The following CDH3 variants were observed in gnomAD, a reference collection of about 807,000 sequenced individuals.
The protein encoded by CDH3 is cadherin 3, also known as cadherin-3.
CDH3 carries 54 observed loss-of-function variants against 82.0 expected under a neutral mutation model. The observed-to-expected ratio is 0.66, with a 90% CI of 0.53 to 0.83. CDH3 has a LOEUF of 0.83. CDH3 is among the 40% of genes least tolerant of loss of function. The probability of loss-of-function intolerance (pLI) is 0.00; values close to 1 mark genes in which losing one functional copy is unlikely to be tolerated. For synonymous variants in CDH3, 446 were observed against 437.9 expected, an observed-to-expected ratio of 1.02 and a Z score of -0.23; for missense variants, 1,054 against 1,084.6, an observed-to-expected ratio of 0.97 and a Z score of 0.40.
Position 68,681,018 on chromosome 16 carries a change from C to T in CDH3, c.918C>T (p.Asp306=), listed in dbSNP as rs201521473. ...TCCAGGCCACAGACATGGATGGGGACGGCTCCACCACCACGGCAGTGGCAG... is the reference window on the plus strand; with the variant it reads ...TCCAGGCCACAGACATGGATGGGGATGGCTCCACCACCACGGCAGTGGCAG... ...LTIQATDMDG[D]GSTTTAVAVV... The change falls in exon 8 of 16, where the codon GAC becomes GAT. Residue 306 remains aspartate, a synonymous_variant. Transcript: ENST00000264012. 3.6e-4 allele frequency: 578 copies of T among 1,613,918 alleles called. 1 individual carries two copies. The highest frequency in any genetic ancestry group is 4.9e-4 in the Middle Eastern group (3 of 6,062).
chr16:68,708,431 A>T (rs988307029), intron 1 of CDH3, among the ~76,000 whole-genome samples: 1 of 151,438 alleles, frequency 6.6e-6, no homozygotes, highest in African/African-American at 2.4e-5. Flanking sequence ...GTTTCCTCAG[A>T]GCCTCTGCAC....
intron 2 of CDH3, among the ~76,000 whole-genome samples, chr16:68,656,126 T>C (rs1243119604): frequency 1.3e-5 from 2 of 152,092 alleles, no homozygotes; most frequent in Admixed American, 6.6e-5. Flanking sequence ...CAGTGAGGCA[T>C]AGGCAGGGTC....
At chr16:68,720,526 C>A (rs1439234536) in intron 1 of CDH3, among the ~76,000 whole-genome samples, 2 of 152,106 alleles carry the variant, frequency 1.3e-5, no homozygotes, top group Admixed American at 6.6e-5. Flanking sequence ...ATCTATTGAG[C>A]ACTGAGTCAC....
intron 2 of CDH3, among the ~76,000 whole-genome samples, chr16:68,726,825 T>G (rs1293091742): frequency 6.6e-6 from 1 of 152,132 alleles, no homozygotes; most frequent in Non-Finnish European, 1.5e-5. Flanking sequence ...GTGATCTGCC[T>G]GCCTTGGCCT....
chr16:68,708,401 TTCAC>T (rs1456882403), intron 1 of CDH3, among the ~76,000 whole-genome samples: 1 of 102,722 alleles, frequency 9.7e-6, no homozygotes, highest in Non-Finnish European at 2.4e-5. Flanking sequence ...ACGCTGAAGT[TTCAC>T]TCCAAATCAA....
intron 1 of CDH3, among the ~76,000 whole-genome samples, chr16:68,715,064 C>T (rs1333552691): frequency 2.0e-5 from 3 of 151,872 alleles, no homozygotes; most frequent in South Asian, 2.1e-4. Flanking sequence ...CTCCATTTTA[C>T]GGAGGGGCAA....
exon 3 of CDH3, among the ~76,000 whole-genome samples, chr16:68,727,169 T>C (rs1263023838): frequency 6.6e-6 from 1 of 152,198 alleles, no homozygotes; most frequent in Non-Finnish European, 1.5e-5. Flanking sequence ...GACACCTGCC[T>C]TCTGCCCTTA....
intron 1 of CDH3, among the ~76,000 whole-genome samples, chr16:68,714,263 C>T (rs1962066680): frequency 6.6e-6 from 1 of 152,098 alleles, no homozygotes; most frequent in African/African-American, 2.4e-5. Context: ...TCACTGAGCA[C>T]CTTTGCCTAA....
intron 1 of CDH3, among the ~76,000 whole-genome samples, chr16:68,715,052 A>G (rs934818789): frequency 3.3e-5 from 5 of 151,974 alleles, no homozygotes; most frequent in African/African-American, 1.2e-4. Flanking sequence ...AGGTACTATT[A>G]GCTCCATTTT....
chr16:68,726,485 C>T (rs1962220300), intron 2 of CDH3, among the ~76,000 whole-genome samples: 2 of 152,146 alleles, frequency 1.3e-5, no homozygotes, highest in Non-Finnish European at 1.5e-5. Flanking sequence ...GAAACAAAAC[C>T]CCACCCTGAT....
chr16:68,724,061 T>C (rs1372893023), intron 2 of CDH3, among the ~76,000 whole-genome samples: 2 of 90,796 alleles, frequency 2.2e-5, no homozygotes, highest in Non-Finnish European at 2.1e-5. Context: ...AGAGCGAGAC[T>C]CCGTCTCAAA....
chr16:68,652,200 G>A (rs1001859370), intron 2 of CDH3, among the ~76,000 whole-genome samples: 1 of 152,158 alleles, frequency 6.6e-6, no homozygotes, highest in Non-Finnish European at 1.5e-5. Flanking sequence ...TCCGAGGAGT[G>A]AATGGGAACT....
downstream of CDH3, among the ~76,000 whole-genome samples, chr16:68,704,058 G>T (rs572582051): frequency 1.3e-5 from 2 of 152,200 alleles, no homozygotes; most frequent in East Asian, 3.9e-4. Context: ...AGGCCGAGGC[G>T]GGCGGATCAC....
chr16:68,716,636 AAAAG>A (rs1332597169), intron 1 of CDH3, among the ~76,000 whole-genome samples: 17 of 149,224 alleles, frequency 1.1e-4, no homozygotes, highest in African/African-American at 3.5e-4. Flanking sequence ...AAAAAAAAAA[AAAAG>A]AAAAGAAAAA....
intron 9 of CDH3, among the ~76,000 whole-genome samples, chr16:68,684,157 A>G (rs1285024691): frequency 6.6e-6 from 1 of 151,884 alleles, no homozygotes; most frequent in East Asian, 1.9e-4. Context: ...CTTGAGCCCA[A>G]GAAGGTCGAG....
In CDH3 at chr16:68,645,337, G is replaced by A. The variant is rs747921579; in HGVS notation, c.-43G>A. 9 of 1,604,976 alleles carry A rather than the reference G, an allele frequency of 5.6e-6. No individual in the cohort carries two copies. In the Admixed American group the frequency reaches 6.7e-5, roughly 12 times the overall value. The stretch of plus-strand genomic sequence containing the variant: ...AGGGGCAAGAGCTGAGCGGAACACC[G>A]GCCCGCCGTCGCGGCAGCTGCTTCA... On this transcript the variant is annotated 5_prime_UTR_variant, in exon 1 of 16. Transcript: ENST00000264012.
chr16:68,711,711 T>C (rs1417887498), intron 1 of CDH3, among the ~76,000 whole-genome samples: 3 of 152,298 alleles, frequency 2.0e-5, no homozygotes, highest in Admixed American at 6.5e-5. Flanking sequence ...CTGGGGTGGT[T>C]TCCCAGGAAG....
chr16:68,680,416 C>T (rs1367575379), intron 7 of CDH3, among the ~76,000 whole-genome samples: 6 of 152,216 alleles, frequency 3.9e-5, no homozygotes, highest in Non-Finnish European at 5.9e-5. Context: ...CAGTGGCTCA[C>T]GCATGTAATC....
chr16:68,678,849 A>T lies in CDH3; in HGVS notation c.634A>T (p.Lys212Ter). Residue 212 changes from lysine to a stop codon, truncating the protein, a stop_gained, in exon 6 of 16, where the codon AAG (lysine) becomes TAG (stop). Transcript: ENST00000264012. LOFTEE classifies it high-confidence loss of function. ...SIIVTDQNDH[K>*]PKFTQDTFRG... ...CATCGTGACCGACCAGAATGACCAC[A>T]AGCCCAAGTTTACCCAGGACACCTT... The T allele has an allele frequency of 1.9e-6, 3 of 1,614,108 alleles. No individual in the cohort carries two copies. The highest frequency in any genetic ancestry group is 2.5e-6 in the Non-Finnish European group (3 of 1,180,028).
Sources: allele counts gnomAD v4.1 joint callset (sites outside exome capture counted in the v4.1 genomes callset), GRCh38; gene constraint gnomAD v4.1.1; transcripts MANE v1.5; gene names NCBI Gene and HGNC (gene_info 2026-07-23, HGNC 2026-07-21).